Variants in VPS8 observed in about 807,000 individuals in gnomAD.
VPS8 encodes the protein VPS8 subunit of CORVET complex, also known as vacuolar protein sorting-associated protein 8 homolog.
VPS8 carries 129 observed loss-of-function variants against 216.4 expected under a neutral mutation model. The ratio of observed to expected loss-of-function variants is 0.60; its 90% CI spans 0.52 to 0.69. VPS8 has a LOEUF of 0.69. Among genes scored for constraint, VPS8 ranks in the 30% least tolerant of loss-of-function variants. The pLI, the probability that VPS8 is intolerant of heterozygous loss-of-function variation, is 0.00. For synonymous variants in VPS8, 571 were observed against 565.4 expected, an observed-to-expected ratio of 1.01 and a Z score of -0.14; for missense variants, 1,531 against 1,683.5, an observed-to-expected ratio of 0.91 and a Z score of 1.59.
chr3:184,901,060 A>C, intron 25 of VPS8, 88 bp downstream of exon 25: 1 of 1,123,538 alleles, frequency 8.9e-7, no homozygotes. Context: ...ATATGTGTGC[A>C]GTGTGAATGT....
chr3:184,848,117 G>A (rs1263448104), intron 8 of VPS8, among the ~76,000 whole-genome samples: 3 of 152,018 alleles, frequency 2.0e-5, no homozygotes, highest in African/African-American at 7.3e-5. Flanking sequence ...TCACTGTGTT[G>A]GCCAGGCTGG....
At chr3:184,980,543 C>G (rs1323086677) in intron 40 of VPS8, among the ~76,000 whole-genome samples, 1 of 151,204 alleles carries the variant, frequency 6.6e-6, no homozygotes. Flanking sequence ...AAGAACTGGT[C>G]TTCATTTTTT....
chr3:184,927,876 T>C (rs1037234078), intron 31 of VPS8, among the ~76,000 whole-genome samples: 1 of 152,218 alleles, frequency 6.6e-6, no homozygotes, highest in African/African-American at 2.4e-5. Flanking sequence ...TCAAGGTTCA[T>C]CCATGCCGCA....
intron 22 of VPS8, among the ~76,000 whole-genome samples, chr3:184,893,984 A>G (rs1267563770): frequency 9.2e-5 from 14 of 152,332 alleles, no homozygotes; most frequent in South Asian, 8.3e-4. Flanking sequence ...TATAACTCAA[A>G]TTATTTATGG....
At chr3:184,955,203 G>A (rs888603477) in intron 36 of VPS8, among the ~76,000 whole-genome samples, 1 of 152,160 alleles carries the variant, frequency 6.6e-6, no homozygotes, top group African/African-American at 2.4e-5. Context: ...TCATCTGGAG[G>A]CCTAAACCCC....
intron 25 of VPS8, among the ~76,000 whole-genome samples, chr3:184,902,362 G>C (rs1734680644): frequency 6.6e-6 from 1 of 151,628 alleles, no homozygotes; most frequent in African/African-American, 2.4e-5. Flanking sequence ...TGTAGTCCCA[G>C]CTACTCAGGA....
At chr3:184,911,048 T>A (rs542708072) in intron 25 of VPS8, among the ~76,000 whole-genome samples, 1 of 152,194 alleles carries the variant, frequency 6.6e-6, no homozygotes, top group Non-Finnish European at 1.5e-5. Flanking sequence ...GCCTTTCACA[T>A]CTCTCTCTAC....
chr3:184,812,734 C>T (rs1715408210), intron 1 of VPS8: 1 of 152,276 alleles, frequency 6.6e-6, no homozygotes, highest in Non-Finnish European at 1.5e-5. Context: ...CCCGCTCCCC[C>T]GACTGTGAGC....
At chr3:184,926,040 G>C (rs551308045) in intron 30 of VPS8, among the ~76,000 whole-genome samples, 20 of 150,540 alleles carry the variant, frequency 1.3e-4, no homozygotes, top group African/African-American at 4.4e-4. Context: ...CTCCCAAAGT[G>C]CTGGGATTAC....
chr3:184,817,581 T>TG (rs1235121060), intron 1 of VPS8: 1 of 152,230 alleles, frequency 6.6e-6, no homozygotes, highest in East Asian at 1.9e-4. Flanking sequence ...CTGCAGTGGT[T>TG]GACAAGCTTG....
intron 22 of VPS8, among the ~76,000 whole-genome samples, chr3:184,887,666 G>A (rs1232008196): frequency 2.6e-5 from 4 of 152,116 alleles, no homozygotes; most frequent in South Asian, 4.1e-4. Context: ...CCACTAGCTT[G>A]TACCACTTTG....
chr3:185,042,410 G>C (rs1461517654), intron 46 of VPS8, among the ~76,000 whole-genome samples: 2 of 152,182 alleles, frequency 1.3e-5, no homozygotes, highest in Non-Finnish European at 2.9e-5. Flanking sequence ...CTGACAAAAG[G>C]AAAACGTAAT....
chr3:184,941,143 A>G (rs984836722), intron 36 of VPS8, among the ~76,000 whole-genome samples: 1 of 148,094 alleles, frequency 6.8e-6, no homozygotes, highest in African/African-American at 2.5e-5. Flanking sequence ...TACGTTAGCA[A>G]TTGTAATATC....
chr3:184,945,566 A>C (rs1410316597), intron 36 of VPS8, among the ~76,000 whole-genome samples: 1 of 151,976 alleles, frequency 6.6e-6, no homozygotes, highest in African/African-American at 2.4e-5. Flanking sequence ...AAAATCTATA[A>C]ACTCTACCTC....
intron 45 of VPS8, among the ~76,000 whole-genome samples, chr3:185,008,295 A>G (rs984865381): frequency 2.0e-5 from 3 of 152,156 alleles, no homozygotes; most frequent in Admixed American, 6.5e-5. Context: ...ACTTCAGCCA[A>G]TATTTAATGT....
At chr3:184,934,993 G>T (rs1741341893) in intron 34 of VPS8, among the ~76,000 whole-genome samples, 2 of 152,126 alleles carry the variant, frequency 1.3e-5, no homozygotes, top group South Asian at 4.1e-4. Flanking sequence ...TTTTCATATG[G>T]AAAGTTTTTA....
chr3:184,909,058 T>C (rs1250838774), intron 25 of VPS8, among the ~76,000 whole-genome samples: 1 of 152,180 alleles, frequency 6.6e-6, no homozygotes, highest in Non-Finnish European at 1.5e-5. Flanking sequence ...GGCTTGAAGG[T>C]GGGGTTTCAC....
At chr3:184,960,068 TATGAA>T (rs1372429144) in intron 37 of VPS8, among the ~76,000 whole-genome samples, 5 of 150,232 alleles carry the variant, frequency 3.3e-5, no homozygotes, top group Non-Finnish European at 1.5e-5. Context: ...GATTCCCACC[TATGAA>T]TAAGAACATG....
chr3:184,936,307 A>G lies in VPS8; in HGVS notation c.2960A>G (p.His987Arg). 4 of 1,611,886 alleles carry G rather than the reference A, an allele frequency of 2.5e-6. No individual in the cohort carries two copies. The highest frequency in any genetic ancestry group is 3.4e-6 in the Non-Finnish European group (4 of 1,179,014). The change falls in exon 35 of 48, where the codon CAT becomes CGT. Residue 987 changes from histidine to arginine, a missense_variant. His to Arg is a conservative substitution (Grantham distance 29, BLOSUM62 0). Transcript: ENST00000625842. The stretch of plus-strand genomic sequence containing the variant: ...CTGGTTGCCACCCACTTTTCTGGAC[A>G]TATTGAAACGGTCATTAAAAAACTT... ...AELVATHFSG[H>R]IETVIKKLQN...
Sources: allele counts gnomAD v4.1 joint callset (sites outside exome capture counted in the v4.1 genomes callset), GRCh38; gene constraint gnomAD v4.1.1; transcripts MANE v1.5; gene names NCBI Gene and HGNC (gene_info 2026-07-23, HGNC 2026-07-21).